CILK1: variants seen among roughly 807,000 people sequenced by gnomAD.
The protein encoded by CILK1 is ciliogenesis associated kinase 1.
CILK1 carries 47 observed loss-of-function variants against 79.2 expected under a neutral mutation model. The ratio of observed to expected loss-of-function variants is 0.59; its 90% CI spans 0.47 to 0.76. The LOEUF (loss-of-function observed/expected upper bound fraction) is 0.76. CILK1 is among the 30% of genes least tolerant of loss of function. CILK1 has a pLI of 0.00. For synonymous variants in CILK1, 266 were observed against 275.9 expected (o/e 0.96, Z 0.36); for missense variants, 660 against 769.5 (o/e 0.86, Z 1.68).
At chr6:53,044,263 C>T (rs549349458) in intron 1 of CILK1, among the ~76,000 whole-genome samples, 4 of 152,186 alleles carry the variant, frequency 2.6e-5, no homozygotes, top group Admixed American at 6.5e-5. Context: ...TCAGCAGCGG[C>T]GGCATTAGAT....
intron 3 of CILK1, among the ~76,000 whole-genome samples, chr6:53,035,789 TC>T (rs1766291127): frequency 6.6e-6 from 1 of 152,118 alleles, no homozygotes; most frequent in South Asian, 2.1e-4. Flanking sequence ...TCCTTTCCCT[TC>T]CCCTTCTGAG....
At chr6:53,005,654 A>C (rs1764174793) in intron 13 of CILK1, among the ~76,000 whole-genome samples, 1 of 152,138 alleles carries the variant, frequency 6.6e-6, no homozygotes, top group Non-Finnish European at 1.5e-5. Context: ...GATAATTTCA[A>C]CATCCTCCTA....
chr6:53,007,476 C>A (rs919880803), intron 12 of CILK1, among the ~76,000 whole-genome samples: 1 of 152,118 alleles, frequency 6.6e-6, no homozygotes, highest in African/African-American at 2.4e-5. Context: ...AAGTTTAAAC[C>A]ACAATAGGAT....
Position 53,033,020 on chromosome 6 carries a change from G to A in CILK1, c.157-366C>T, listed in dbSNP as rs185453973. Among the ~76,000 whole-genome samples, 89 of 152,274 alleles carry A rather than the reference G, an allele frequency of 5.8e-4. 1 individual carries two copies. Among genetic ancestry groups the A allele is most frequent in the African/African-American group, 2.0e-3 (83 of 41,560 alleles). ...AATAAAAGAAGCTTAGATTTTTCTA[G>A]CACTGGAGAATTTGCAGCTGCAGTG... is the stretch of plus-strand genomic sequence containing the variant. On this transcript the variant is annotated intron_variant, in intron 3 of 13. Coordinates refer to ENST00000676107, the MANE Select transcript of CILK1 (RefSeq NM_014920.5).
At position 53,032,437 on chromosome 6, in the gene CILK1, G is replaced by T. The variant is rs972432687; in HGVS notation, c.278+96C>A. 23 of 670,926 alleles carry T rather than the reference G, an allele frequency of 3.4e-5. 1 individual carries two copies. In the South Asian group the frequency reaches 3.6e-4, roughly 10 times the overall value. The allele number at this position is 670,926 out of a possible 1,614,324, so 41.6% of individuals were successfully genotyped here. ...AAATAAAAAATAAAAAATAAAAAAA[G>T]AAAAAAAGGAGAGAAAGAAAACACA... is the stretch of plus-strand genomic sequence containing the variant. On this transcript the variant is annotated intron_variant, in intron 4 of 13. Coordinates refer to ENST00000676107, the MANE Select transcript of CILK1 (RefSeq NM_014920.5).
chr6:53,039,116 G>A lies in CILK1; in HGVS notation c.102-1123C>T, dbSNP rs138596575. ...TAGAGTGATCAAATCCTTTATTCAT[G>A]CCCGAAATATTATTTAGCCCCTGCT... On this transcript the variant is annotated intron_variant, in intron 2 of 13. Coordinates refer to ENST00000676107, the MANE Select transcript of CILK1 (RefSeq NM_014920.5). Among the ~76,000 whole-genome samples, 429 of 152,270 alleles carry A rather than the reference G, an allele frequency of 2.8e-3. 10 individuals are homozygous for A. Among genetic ancestry groups the A allele is most frequent in the Non-Finnish European group, 2.9e-3 (200 of 68,024 alleles).
chr6:53,009,741 C>T (rs567915997), intron 11 of CILK1, among the ~76,000 whole-genome samples, 174 bp from the exon 12 acceptor site: 1 of 152,354 alleles, frequency 6.6e-6, no homozygotes, highest in African/African-American at 2.4e-5. Flanking sequence ...AAAGATATCT[C>T]ACTGGTTGGT....
rs371879249 is a variant in CILK1, at chr6:53,012,120, G to C, written c.1260C>G (p.Asp420Glu). The change falls in exon 10 of 14, where the codon GAC becomes GAG. Residue 420 changes from aspartate (D) to glutamate (E), a missense_variant. By Grantham distance (45) the Asp-to-Glu change is conservative. Coordinates refer to ENST00000676107, the MANE Select transcript of CILK1 (RefSeq NM_014920.5). ...RSTKDSDDWA[D>E]LDDLDFSPSL... ...ATGGACTGAAATCCAAGTCATCCAA[G>C]TCAGCCCAATCATCTGAATCCTTTG... 38 of 1,614,018 alleles carry C rather than the reference G, an allele frequency of 2.4e-5. No individual in the cohort carries two copies. Among genetic ancestry groups the C allele is most frequent in the Non-Finnish European group, 3.1e-5 (37 of 1,180,042 alleles).
At position 53,009,533 on chromosome 6, in the gene CILK1, T is replaced by G; in HGVS notation, c.1527A>C (p.Pro509=). The part of the protein sequence containing the change: ...ISIRNGILSN[P]GKEFIPPNPW... ...GATTAGGTGGAATAAATTCCTTGCC[T>G]GGATTCGAGAGTATGCCATTTCTTA... The change falls in exon 12 of 14, where the codon CCA becomes CCC. Residue 509 remains proline, a synonymous_variant. Transcript: ENST00000676107. 1 of 1,611,750 alleles carries G rather than the reference T, an allele frequency of 6.2e-7. No individual in the cohort carries two copies. The highest frequency in any genetic ancestry group is 1.3e-5 in the African/African-American group (1 of 75,002).
chr6:53,018,390 AG>A lies in CILK1; in HGVS notation c.602del (p.Pro201LeufsTer34). 1 of 1,614,206 alleles carries A rather than the reference AG, an allele frequency of 6.2e-7. No individual in the cohort carries two copies. The highest frequency in any genetic ancestry group is 8.5e-7 in the Non-Finnish European group (1 of 1,180,024). On this transcript the variant is annotated frameshift_variant, in exon 7 of 14. Transcript: ENST00000676107. LOFTEE classifies it high-confidence loss of function. ...ATATTGTGTCAATTTCACTGGCTCC[AG>A]GGAAGAGTGGCCTGAGGGTGTAAAC... ...AEVYTLRPLF[P>X]GASEIDTIFK...
intron 12 of CILK1, among the ~76,000 whole-genome samples, chr6:53,009,211 T>C (rs1764414055): frequency 6.6e-6 from 1 of 152,214 alleles, no homozygotes; most frequent in Non-Finnish European, 1.5e-5. Flanking sequence ...GGGATGACTA[T>C]GCTCTACTCC....
rs947574274 is a variant in CILK1, at chr6:53,041,237, G to A, written c.-1C>T. The A allele has an allele frequency of 3.1e-6, 5 of 1,609,666 alleles. No homozygotes were observed. The highest frequency in any genetic ancestry group is 3.4e-6 in the Non-Finnish European group (4 of 1,176,450). ...GCCTGATTGTTGTGTATCTATTCATGGTGTGCCTGCTCAGGCCGGACACTC... is the reference window on the plus strand; with the variant it reads ...GCCTGATTGTTGTGTATCTATTCATAGTGTGCCTGCTCAGGCCGGACACTC... On this transcript the variant is annotated 5_prime_UTR_variant, in exon 2 of 14. Transcript: ENST00000676107.
At chr6:53,019,437 C>T (rs1359226875) in intron 5 of CILK1, 78 bp from the exon 6 acceptor site, 3 of 1,492,922 alleles carry the variant, frequency 2.0e-6, no homozygotes, top group East Asian at 4.7e-5. Flanking sequence ...TTGCTCTCTG[C>T]AAAATAGTTA....
intron 5 of CILK1, among the ~76,000 whole-genome samples, chr6:53,020,940 A>G (rs1765195040): frequency 6.6e-6 from 1 of 152,026 alleles, no homozygotes; most frequent in South Asian, 2.1e-4. Flanking sequence ...CCCCTTCCTA[A>G]CCTTTGGATA....
At chr6:53,005,728 G>A (rs922331088) in intron 13 of CILK1, among the ~76,000 whole-genome samples, 7 of 152,142 alleles carry the variant, frequency 4.6e-5, no homozygotes, top group African/African-American at 1.7e-4. Flanking sequence ...GCTTGAGGGA[G>A]CCTGTGGAGA....
In CILK1 at chr6:53,013,996, T is replaced by TA. The variant is rs1562008372; in HGVS notation, c.832-15dup. On this transcript the variant is annotated splice_polypyrimidine_tract_variant and intron_variant, in intron 8 of 13. Coordinates refer to ENST00000676107, the MANE Select transcript of CILK1 (RefSeq NM_014920.5). ...ATATCGAAGTGCCTGGAATGACAAA[T>TA]AAGGCTTTAGGAGAAAAGTCTAGCC... The TA allele has an allele frequency of 1.2e-6, 2 of 1,606,822 alleles. No individual in the cohort carries two copies. Among genetic ancestry groups the TA allele is most frequent in the Non-Finnish European group, 1.7e-6 (2 of 1,173,760 alleles).
intron 3 of CILK1, among the ~76,000 whole-genome samples, chr6:53,032,875 A>T (rs561414334): frequency 6.6e-6 from 1 of 152,362 alleles, no homozygotes; most frequent in Admixed American, 6.5e-5. Flanking sequence ...GAAGGTATGT[A>T]TTCGACCAGT....
At chr6:53,057,155 C>T (rs141080056) in intron 1 of CILK1, among the ~76,000 whole-genome samples, 44 of 152,120 alleles carry the variant, frequency 2.9e-4, no homozygotes, top group African/African-American at 8.2e-4. Flanking sequence ...TTGCCAAATA[C>T]GTATTTGGGC....
At chr6:53,043,321 T>A (rs187736427) in intron 1 of CILK1, among the ~76,000 whole-genome samples, 2,021 of 150,180 alleles carry the variant, frequency 0.013, 28 homozygotes, top group Non-Finnish European at 0.022. Flanking sequence ...GTCTCAAAAA[T>A]ATATATATAT....
Sources: gnomAD v4.1 joint callset for allele counts (sites outside exome capture counted in the v4.1 genomes callset) on GRCh38, gnomAD v4.1.1 for gene constraint, MANE v1.5 for transcripts, NCBI Gene and HGNC (gene_info 2026-07-23, HGNC 2026-07-21) for gene names.